The following GALNTL6 variants were observed in gnomAD, a reference collection of about 807,000 sequenced individuals.
GALNTL6 encodes polypeptide N-acetylgalactosaminyltransferase like 6, also known as polypeptide N-acetylgalactosaminyltransferase-like 6.
In GALNTL6, 46 loss-of-function variants were observed where a neutral mutation model predicts 73.7. The ratio of observed to expected loss-of-function variants is 0.62; its 90% CI spans 0.49 to 0.80. The LOEUF is 0.80. Ranked by LOEUF, GALNTL6 falls within the 30% of genes least tolerant of loss-of-function variation. The pLI is 0.00. For missense variants in GALNTL6, 604 were observed against 755.0 expected, an observed-to-expected ratio of 0.80 and a Z score of 2.34; for synonymous variants, 259 against 263.7, an observed-to-expected ratio of 0.98 and a Z score of 0.17.
intron 2 of GALNTL6, among the ~76,000 whole-genome samples, chr4:172,227,812 G>T (rs1201056960): frequency 6.6e-6 from 1 of 152,004 alleles, no homozygotes; most frequent in East Asian, 1.9e-4. Flanking sequence ...TTAAGAATTC[G>T]CTATATTACA....
At chr4:172,358,040 A>G (rs1742230896) in intron 5 of GALNTL6, among the ~76,000 whole-genome samples, 1 of 152,042 alleles carries the variant, frequency 6.6e-6, no homozygotes, top group Non-Finnish European at 1.5e-5. Context: ...TGAAAAAAAG[A>G]TTTTCCTTTT....
intron 7 of GALNTL6, among the ~76,000 whole-genome samples, chr4:172,869,526 C>T (rs1044673410): frequency 3.9e-5 from 6 of 152,102 alleles, no homozygotes; most frequent in Non-Finnish European, 8.8e-5. Context: ...ACGAGAAAAG[C>T]GGGGTGGGCT....
At chr4:172,595,118 T>G (rs1737804423) in intron 5 of GALNTL6, among the ~76,000 whole-genome samples, 1 of 152,166 alleles carries the variant, frequency 6.6e-6, no homozygotes, top group African/African-American at 2.4e-5. Context: ...ACCTCCATGA[T>G]CTAATTATCT....
chr4:171,959,258 A>G (rs1739145021), intron 2 of GALNTL6, among the ~76,000 whole-genome samples: 1 of 152,164 alleles, frequency 6.6e-6, no homozygotes, highest in Admixed American at 6.5e-5. Flanking sequence ...CAGTTGAGAA[A>G]TTGTTGCCTT....
intron 2 of GALNTL6, among the ~76,000 whole-genome samples, chr4:171,876,924 T>C (rs960253619): frequency 1.3e-5 from 2 of 152,190 alleles, no homozygotes; most frequent in Non-Finnish European, 2.9e-5. Flanking sequence ...CCCAGTCTCT[T>C]ACACTTCACA....
intron 12 of GALNTL6, among the ~76,000 whole-genome samples, chr4:173,026,682 C>T (rs1009381655): frequency 6.6e-6 from 1 of 152,184 alleles, no homozygotes; most frequent in Admixed American, 6.5e-5. Context: ...CTACTTGAGT[C>T]TTTTGCCCAT....
intron 7 of GALNTL6, among the ~76,000 whole-genome samples, chr4:172,862,283 G>C (rs576768728): frequency 1.3e-5 from 2 of 152,326 alleles, no homozygotes; most frequent in African/African-American, 4.8e-5. Flanking sequence ...TGTGCAAAGA[G>C]ACTGGTGGCA....
At chr4:172,232,140 A>G (rs1469389437) in intron 3 of GALNTL6, among the ~76,000 whole-genome samples, 3 of 151,862 alleles carry the variant, frequency 2.0e-5, no homozygotes, top group Non-Finnish European at 4.4e-5. Context: ...ACAGAGTCAA[A>G]ATCAAATAAA....
At chr4:171,996,067 G>A (rs1254967966) in intron 2 of GALNTL6, among the ~76,000 whole-genome samples, 6 of 151,894 alleles carry the variant, frequency 4.0e-5, no homozygotes, top group African/African-American at 1.5e-4. Flanking sequence ...CTGTCATCCT[G>A]CCCACTTGCT....
intron 5 of GALNTL6, among the ~76,000 whole-genome samples, chr4:172,572,259 T>C (rs1181809377): frequency 2.6e-5 from 4 of 152,126 alleles, no homozygotes; most frequent in African/African-American, 9.7e-5. Context: ...CCAAGTGTCA[T>C]TTCTGGAAGA....
intron 2 of GALNTL6, among the ~76,000 whole-genome samples, chr4:171,949,439 A>G (rs1160514038): frequency 6.6e-6 from 1 of 152,234 alleles, no homozygotes; most frequent in Non-Finnish European, 1.5e-5. Flanking sequence ...ACAACAATTC[A>G]GGCCTCAAAG....
chr4:172,455,405 G>A (rs1369828160), intron 5 of GALNTL6, among the ~76,000 whole-genome samples: 2 of 152,162 alleles, frequency 1.3e-5, no homozygotes, highest in African/African-American at 4.8e-5. Flanking sequence ...GAGCCAAGTG[G>A]TCTAGCTCAG....
intron 2 of GALNTL6, among the ~76,000 whole-genome samples, chr4:171,962,498 A>G (rs895621547): frequency 3.3e-5 from 5 of 152,146 alleles, no homozygotes; most frequent in Middle Eastern, 3.2e-3. Flanking sequence ...AGCATGCTAA[A>G]AGACACTCCT....
At chr4:172,379,580 C>A (rs1287931175) in intron 5 of GALNTL6, among the ~76,000 whole-genome samples, 1 of 134,950 alleles carries the variant, frequency 7.4e-6, no homozygotes, top group Non-Finnish European at 1.6e-5. Flanking sequence ...TGCTTTTAAT[C>A]AATGCAATTA....
At chr4:171,834,932 A>G (rs1434786546) in intron 2 of GALNTL6, among the ~76,000 whole-genome samples, 1 of 152,022 alleles carries the variant, frequency 6.6e-6, no homozygotes, top group Non-Finnish European at 1.5e-5. Context: ...TTGTAGAGAT[A>G]ACATTTAGCC....
At chr4:171,814,835 C>A in intron 2 of GALNTL6, 117 bp downstream of exon 2, 1 of 972,424 alleles carries the variant, frequency 1.0e-6, no homozygotes, top group Non-Finnish European at 1.5e-6. Flanking sequence ...CTTGACAGAG[C>A]TGATTATTAC....
intron 8 of GALNTL6, among the ~76,000 whole-genome samples, chr4:172,901,251 A>T (rs1746611482): frequency 6.6e-6 from 1 of 152,156 alleles, no homozygotes; most frequent in Admixed American, 6.6e-5. Flanking sequence ...TATTTGTGAC[A>T]TGAATGGGAC....
In GALNTL6 at chr4:172,510,705, A is replaced by AT. The variant is rs1311138949; in HGVS notation, c.553+162022dup. Among the ~76,000 whole-genome samples, 2 of 54,532 alleles carry AT rather than the reference A, an allele frequency of 3.7e-5. 1 individual carries two copies. The highest frequency in any genetic ancestry group is 8.5e-5 in the Non-Finnish European group (2 of 23,564). 35.8% of individuals were successfully genotyped at this position (54,532 alleles called of 152,430 possible). A position where few individuals can be genotyped will look rare whatever the true frequency, so the allele number is the denominator to read the frequency against. The stretch of plus-strand genomic sequence containing the variant: ...CTGGGTCTATTGAGATGATCATGTG[A>AT]TTTTTTGTTTTTAATTCTGTTTATG... On this transcript the variant is annotated intron_variant, in intron 5 of 12. Transcript: ENST00000506823.
intron 5 of GALNTL6, among the ~76,000 whole-genome samples, chr4:172,599,415 A>C (rs1185367194): frequency 6.6e-6 from 1 of 152,198 alleles, no homozygotes; most frequent in Non-Finnish European, 1.5e-5. Flanking sequence ...TGATTGGTCT[A>C]ACTTGGGAAA....
Sources: gnomAD v4.1 joint callset for allele counts (sites outside exome capture counted in the v4.1 genomes callset) on GRCh38, gnomAD v4.1.1 for gene constraint, MANE v1.5 for transcripts, NCBI Gene and HGNC (gene_info 2026-07-23, HGNC 2026-07-21) for gene names.